KCTD9: variants seen among roughly 807,000 people sequenced by gnomAD.
KCTD9 encodes the protein potassium channel tetramerization domain containing 9.
A neutral mutation model predicts 53.3 loss-of-function variants in KCTD9; 17 were observed. The observed-to-expected ratio is 0.32, with a 90% CI of 0.22 to 0.48. The LOEUF (loss-of-function observed/expected upper bound fraction) is 0.48, where lower values mean the gene tolerates loss of function less well. KCTD9 is among the 20% of genes least tolerant of loss of function. The probability of loss-of-function intolerance (pLI) is 0.99; values close to 1 mark genes in which losing one functional copy is unlikely to be tolerated. For synonymous variants in KCTD9, 128 were observed against 162.7 expected, an observed-to-expected ratio of 0.79 and a Z score of 1.62; for missense variants, 179 against 465.5, an observed-to-expected ratio of 0.38 and a Z score of 5.66.
intron 1 of KCTD9, 54 bp from the exon 2 acceptor site, chr8:25,446,304 A>G (rs1802212859): frequency 6.3e-6 from 10 of 1,588,948 alleles, no homozygotes; most frequent in East Asian, 4.5e-5. Context: ...GTTATCCCCC[A>G]TAAGTTATAA....
At chr8:25,444,454 G>T in intron 2 of KCTD9, 119 bp from the exon 3 acceptor site, 1 of 866,848 alleles carries the variant, frequency 1.2e-6, no homozygotes, top group South Asian at 1.8e-5. Flanking sequence ...TATCAATCTA[G>T]ACTGCAAAGA....
Position 25,429,216 on chromosome 8 carries a change from T to C in KCTD9, c.*641A>G, listed in dbSNP as rs1414676245. The C allele has an allele frequency of 6.6e-6, 1 of 152,500 alleles. No homozygotes were observed. Among genetic ancestry groups the C allele is most frequent in the Non-Finnish European group, 1.5e-5 (1 of 68,092 alleles). The allele number at this position is 152,500 out of a possible 1,614,324, so 9.4% of individuals were successfully genotyped here. A position where few individuals can be genotyped will look rare whatever the true frequency, so the allele number is the denominator to read the frequency against. On this transcript the variant is annotated 3_prime_UTR_variant, in exon 12 of 12. Coordinates refer to ENST00000221200, the MANE Select transcript of KCTD9 (RefSeq NM_017634.4). ...CAATGATGTCTTTCTTTCCACTCTG[T>C]CTCAATCAGTAAGAACTGGATATTA...
At chr8:25,449,739 C>T (rs951318354) in intron 1 of KCTD9, among the ~76,000 whole-genome samples, 2 of 151,950 alleles carry the variant, frequency 1.3e-5, no homozygotes, top group African/African-American at 2.4e-5. Context: ...AACTGCCACA[C>T]TGGCTAATTG....
At chr8:25,432,180 T>C (rs1801943477) in intron 11 of KCTD9, among the ~76,000 whole-genome samples, 4 of 152,224 alleles carry the variant, frequency 2.6e-5, no homozygotes, top group African/African-American at 9.6e-5. Context: ...CAATTTCAAA[T>C]AGACTTTTCC....
intron 2 of KCTD9, among the ~76,000 whole-genome samples, chr8:25,444,907 C>G (rs1802189208): frequency 6.6e-6 from 1 of 152,070 alleles, no homozygotes; most frequent in African/African-American, 2.4e-5. Context: ...TATTGTGAAC[C>G]AAAAATGAAT....
chr8:25,432,724 C>T, intron 10 of KCTD9, 87 bp from the exon 11 acceptor site: 1 of 1,174,116 alleles, frequency 8.5e-7, no homozygotes, highest in Admixed American at 2.6e-5. Flanking sequence ...TAATGGAGGC[C>T]TCTTTTAACT....
intron 3 of KCTD9, among the ~76,000 whole-genome samples, chr8:25,441,715 T>C (rs570297386): frequency 1.3e-5 from 2 of 152,070 alleles, no homozygotes; most frequent in Admixed American, 1.3e-4. Flanking sequence ...TAAAAAGAAA[T>C]GGTCAGACGT....
chr8:25,437,881 A>AAAAAC (rs1802049071), intron 6 of KCTD9, among the ~76,000 whole-genome samples: 1 of 142,070 alleles, frequency 7.0e-6, no homozygotes, highest in African/African-American at 2.6e-5. Flanking sequence ...AAAAAAAAAA[A>AAAAAC]TCTGGATTTG....
At chr8:25,454,348 G>T (rs1275470731) in intron 1 of KCTD9, among the ~76,000 whole-genome samples, 1 of 152,220 alleles carries the variant, frequency 6.6e-6, no homozygotes, top group Admixed American at 6.5e-5. Context: ...CTGAATGAAT[G>T]AATGAATGAA....
intron 11 of KCTD9, among the ~76,000 whole-genome samples, chr8:25,430,566 AAAC>A (rs1269267665): frequency 6.6e-6 from 1 of 152,168 alleles, no homozygotes; most frequent in Non-Finnish European, 1.5e-5. Context: ...AGTTGCAAGA[AAAC>A]AAACTCAGGG....
At chr8:25,451,630 T>C (rs905300687) in intron 1 of KCTD9, 2 of 152,244 alleles carry the variant, frequency 1.3e-5, no homozygotes, top group Non-Finnish European at 2.9e-5. Context: ...CAGAGTCAAT[T>C]ATTTTTAAAT....
chr8:25,442,098 A>G (rs1308357756), intron 3 of KCTD9, among the ~76,000 whole-genome samples: 2 of 152,226 alleles, frequency 1.3e-5, no homozygotes, highest in Admixed American at 6.5e-5. Flanking sequence ...GAGTCCTGAA[A>G]GAAGGAAATC....
At chr8:25,435,912 G>A (rs1802007673) in intron 8 of KCTD9, among the ~76,000 whole-genome samples, 1 of 152,092 alleles carries the variant, frequency 6.6e-6, no homozygotes, top group Non-Finnish European at 1.5e-5. Flanking sequence ...AAATGCTATA[G>A]TACACATAAG....
chr8:25,436,489 T>C lies in KCTD9; in HGVS notation c.500-4A>G. ...AATCTTGCTTCTTCTAACACACCTA[T>C]CAGAACAAAAATAATTCTGAAACAA... On this transcript the variant is annotated splice_polypyrimidine_tract_variant and splice_region_variant and intron_variant, in intron 6 of 11. Coordinates refer to ENST00000221200, the MANE Select transcript of KCTD9 (RefSeq NM_017634.4). The C allele has an allele frequency of 6.5e-7, 1 of 1,542,148 alleles. No homozygotes were observed. Among genetic ancestry groups the C allele is most frequent in the South Asian group, 1.2e-5 (1 of 82,312 alleles).
rs1010226236 is a variant in KCTD9 at position 25,458,423 on chromosome 8, G to A, written c.-177C>T. ...GCACTCTGTCCCACACCCAAGGTTC[G>A]GCCGGTCCTCCTTCCCACCCCGCCC... On this transcript the variant is annotated 5_prime_UTR_variant, in exon 1 of 12. Coordinates refer to ENST00000221200, the MANE Select transcript of KCTD9 (RefSeq NM_017634.4). The A allele has an allele frequency of 1.4e-6, 1 of 709,854 alleles. No individual in the cohort carries two copies. The allele number at this position is 709,854 out of a possible 1,614,324, so 44.0% of individuals were successfully genotyped here.
At chr8:25,455,967 A>G (rs1161974683) in intron 1 of KCTD9, among the ~76,000 whole-genome samples, 1 of 152,230 alleles carries the variant, frequency 6.6e-6, no homozygotes, top group Non-Finnish European at 1.5e-5. Flanking sequence ...GTGGTGTGTC[A>G]TCTCACTCCA....
At chr8:25,443,621 G>GTA (rs1463627187) in intron 3 of KCTD9, among the ~76,000 whole-genome samples, 1 of 152,202 alleles carries the variant, frequency 6.6e-6, no homozygotes, top group East Asian at 1.9e-4. Flanking sequence ...ACAGACAAGA[G>GTA]TATGCACTTA....
At chr8:25,431,192 G>C (rs1412538696) in intron 11 of KCTD9, among the ~76,000 whole-genome samples, 1 of 152,050 alleles carries the variant, frequency 6.6e-6, no homozygotes, top group Admixed American at 6.5e-5. Context: ...ACAACAAAAG[G>C]AATGAGATGG....
intron 6 of KCTD9, among the ~76,000 whole-genome samples, chr8:25,437,847 CAAAAAAAAA>C (rs59540797): frequency 9.6e-5 from 6 of 62,550 alleles, no homozygotes; most frequent in African/African-American, 1.4e-4. Flanking sequence ...GACCCTGTCT[CAAAAAAAAA>C]AAAAAAAAAA....
Sources: allele counts gnomAD v4.1 joint callset (sites outside exome capture counted in the v4.1 genomes callset), GRCh38; gene constraint gnomAD v4.1.1; transcripts MANE v1.5; gene names NCBI Gene and HGNC (gene_info 2026-07-23, HGNC 2026-07-21).